COL6A2: variants seen among roughly 807,000 people sequenced by gnomAD.
The protein encoded by COL6A2 is collagen type VI alpha 2 chain.
Under a neutral mutation model 124.9 loss-of-function variants are expected in COL6A2, and 90 were observed. The ratio of observed to expected loss-of-function variants is 0.72; its 90% CI spans 0.61 to 0.86. The LOEUF is 0.86. COL6A2 is among the 40% of genes least tolerant of loss of function. The probability of loss-of-function intolerance (pLI) is 0.00; values close to 1 mark genes in which losing one functional copy is unlikely to be tolerated. For missense variants in COL6A2, 1,607 were observed against 1,502.5 expected, an observed-to-expected ratio of 1.07 and a Z score of -1.15; for synonymous variants, 793 against 618.2, an observed-to-expected ratio of 1.28 and a Z score of -4.19.
In COL6A2 at chr21:46,116,568, C is replaced by G; in HGVS notation, c.928-83C>G. ...GGGTCCTGTGGCCTTGAGTTTGGCC[C>G]AAGGGCTTTGCCCCCCAGAGGCAGC... On this transcript the variant is annotated intron_variant, in intron 8 of 27. Transcript: ENST00000300527. This position sits in a 1 kb window ranked among gnomAD's most constrained non-coding sequence, Gnocchi z 4.6. 1 of 1,602,796 alleles carries G rather than the reference C, an allele frequency of 6.2e-7. No individual in the cohort carries two copies. Among genetic ancestry groups the G allele is most frequent in the South Asian group, 1.1e-5 (1 of 90,770 alleles).
chr21:46,125,647 G>A (rs1359163856), intron 25 of COL6A2, 30 bp downstream of exon 25: 1 of 1,605,066 alleles, frequency 6.2e-7, no homozygotes, highest in Non-Finnish European at 8.5e-7. Context: ...GTGCAGCATT[G>A]CGGGGGGCCG....
Position 46,121,995 on chromosome 21 carries a change from C to G in COL6A2, c.1522-113C>G, listed in dbSNP as rs950387380. The G allele has an allele frequency of 5.3e-6, 6 of 1,130,876 alleles. No homozygotes were observed. In the Admixed American group the frequency reaches 5.8e-5, roughly 11 times the overall value. 70.1% of individuals were successfully genotyped at this position (1,130,876 alleles called of 1,614,324 possible). The stretch of plus-strand genomic sequence containing the variant: ...GCCTCTGCTCACAGCCAGAACTCGA[C>G]GGCACCCCTAGCCCACTTCCACCCC... On this transcript the variant is annotated intron_variant, in intron 18 of 27. Coordinates refer to ENST00000300527, the MANE Select transcript of COL6A2 (RefSeq NM_001849.4).
rs769563817 is a variant in COL6A2 at position 46,122,154 on chromosome 21, C to G, written c.1568C>G (p.Ala523Gly). ...PGFSYPGPRG[A>G]PGEKGEPGPR... Reference sequence around the variant, plus strand: ...TTCAGCTACCCAGGACCCCGAGGAGCACCCGTGAGTCACAGCCTGGGATGG... The same window carrying G: ...TTCAGCTACCCAGGACCCCGAGGAGGACCCGTGAGTCACAGCCTGGGATGG... The change falls in exon 19 of 28, where the codon GCA becomes GGA. Residue 523 changes from alanine to glycine, a missense_variant. This residue lies in a region of COL6A2 where 1,223 missense variants were observed against 1,052.2 expected (regional missense o/e 1.16). Coordinates refer to ENST00000300527, the MANE Select transcript of COL6A2 (RefSeq NM_001849.4). The G allele has an allele frequency of 6.2e-7, 1 of 1,612,628 alleles. No homozygotes were observed. Among genetic ancestry groups the G allele is most frequent in the Admixed American group, 1.7e-5 (1 of 59,990 alleles).
chr21:46,122,430 G>A (rs1316797688), intron 19 of COL6A2, 66 bp from the exon 20 acceptor site: 2 of 1,599,660 alleles, frequency 1.3e-6, no homozygotes, highest in East Asian at 2.2e-5. Context: ...GCAGAAAGCT[G>A]CCCAGAGGGA....
chr21:46,116,669 G>A lies in COL6A2; in HGVS notation c.946G>A (p.Gly316Ser), dbSNP rs762882543. 1.1e-5 allele frequency: 17 copies of A among 1,612,928 alleles called. No individual in the cohort carries two copies. The highest frequency in any genetic ancestry group is 1.4e-5 in the Non-Finnish European group (17 of 1,180,034). Residue 316 changes from glycine (G) to serine (S), a missense_variant, in exon 9 of 28, where the codon GGT (glycine) becomes AGT (serine). Around this residue, in one of 3 missense-constraint regions of COL6A2, gnomAD observed 1,223 missense variants for 1,052.2 expected, o/e 1.16. Transcript: ENST00000300527. This position sits in a 1 kb window ranked among gnomAD's most constrained non-coding sequence, Gnocchi z 4.6. ...KGEKGEFGAD[G>S]RKGAPGLAGK... ...TACACAGGGTGAATTTGGAGCCGAC[G>A]GTCGCAAGGTAGGCTGGCTGGGTAG...
chr21:46,126,315 C>A, intron 26 of COL6A2, 78 bp downstream of exon 26: 4 of 1,551,160 alleles, frequency 2.6e-6, no homozygotes, highest in Non-Finnish European at 3.5e-6. Context: ...CCAGGGACAC[C>A]CCTCACCTGA....
Position 46,126,226 on chromosome 21 carries a change from T to G in COL6A2, c.2411T>G (p.Val804Gly), listed in dbSNP as rs779847082. 2 of 1,599,456 alleles carry G rather than the reference T, an allele frequency of 1.3e-6. No homozygotes were observed. The highest frequency in any genetic ancestry group is 1.7e-5 in the Admixed American group (1 of 59,986). The part of the protein sequence containing the change: ...AEKFIDDMED[V>G]LCPDPQIVCP... The stretch of plus-strand genomic sequence containing the variant: ...AAGTTCATCGATGACATGGAGGACG[T>G]CCTCTGCCCGGGTGAGCGTGTGGGC... Residue 804 changes from valine (V) to glycine (G), a missense_variant, in exon 26 of 28, where the codon GTC becomes GGC. Physicochemically the swap from Val to Gly is moderately radical, Grantham distance 109 (BLOSUM62 -3). This residue lies in a region of COL6A2 where 1,223 missense variants were observed against 1,052.2 expected (regional missense o/e 1.16). Coordinates refer to ENST00000300527, the MANE Select transcript of COL6A2 (RefSeq NM_001849.4).
chr21:46,120,781 C>G (rs915126926), intron 16 of COL6A2, among the ~76,000 whole-genome samples: 1 of 151,592 alleles, frequency 6.6e-6, no homozygotes, highest in African/African-American at 2.4e-5. Context: ...AGGTAAGGGA[C>G]CAAGGCAAGG....
In COL6A2 at chr21:46,132,285, C is replaced by A; in HGVS notation, c.2793C>A (p.Ser931Arg). Reference sequence around the variant, plus strand: ...ACGCCATCAATGCCATCGTGCGCAGCCCGCGTGGCGGGGCCCGGAGGCACG... The same window carrying A: ...ACGCCATCAATGCCATCGTGCGCAGACCGCGTGGCGGGGCCCGGAGGCACG... Reference protein sequence around the residue: ...VVHAINAIVRSPRGGARRHAE... With the variant: ...VVHAINAIVRRPRGGARRHAE... The change falls in exon 28 of 28, where the codon AGC (serine) becomes AGA (arginine). Residue 931 changes from serine (S) to arginine (R), a missense_variant. By Grantham distance (110) the Ser-to-Arg change is moderately radical (BLOSUM62 -1). Coordinates refer to ENST00000300527, the MANE Select transcript of COL6A2 (RefSeq NM_001849.4). The A allele has an allele frequency of 6.2e-7, 1 of 1,606,748 alleles. No homozygotes were observed. The highest frequency in any genetic ancestry group is 8.5e-7 in the Non-Finnish European group (1 of 1,179,204).
At chr21:46,122,435 G>C (rs2078581074) in intron 19 of COL6A2, 61 bp from the exon 20 acceptor site, 2 of 1,608,552 alleles carry the variant, frequency 1.2e-6, no homozygotes, top group African/African-American at 1.3e-5. Context: ...AAGCTGCCCA[G>C]AGGGAGGAAG....
At chr21:46,114,110 C>G (rs1476549280) in intron 5 of COL6A2, 37 bp downstream of exon 5, 1 of 1,550,836 alleles carries the variant, frequency 6.4e-7, no homozygotes, top group South Asian at 1.1e-5. Context: ...TCTGCGCTAC[C>G]AGGAAGCCCC....
intron 18 of COL6A2, 107 bp from the exon 19 acceptor site, chr21:46,122,001 C>A (rs528338511): frequency 3.3e-6 from 4 of 1,214,806 alleles, no homozygotes. Flanking sequence ...TCGACGGCAC[C>A]CCTAGCCCAC....
chr21:46,111,885 A>C lies in COL6A2; in HGVS notation c.116-94A>C, dbSNP rs1044497015. 39 of 1,337,972 alleles carry C rather than the reference A, an allele frequency of 2.9e-5. No homozygotes were observed. The African/African-American group carries it at 5.4e-4, about 19-fold the overall frequency. 82.9% of individuals were successfully genotyped at this position (1,337,972 alleles called of 1,614,324 possible). ...GGGGCTCTGGCATTCGGGGGCAGTG[A>C]GGTCAAACCCACAAACAGGCACGGG... is the stretch of plus-strand genomic sequence containing the variant. On this transcript the variant is annotated intron_variant, in intron 2 of 27. Coordinates refer to ENST00000300527, the MANE Select transcript of COL6A2 (RefSeq NM_001849.4).
At position 46,124,880 on chromosome 21, in the gene COL6A2, C is replaced by A; in HGVS notation, c.1735-5C>A. ...AGAGTCTCAGCCTCATCCTTCCTTC[C>A]CCAGGGTGAGCCCGGCCCCCCTGGA... On this transcript the variant is annotated splice_region_variant and splice_polypyrimidine_tract_variant and intron_variant, in intron 22 of 27. Coordinates refer to ENST00000300527, the MANE Select transcript of COL6A2 (RefSeq NM_001849.4). The A allele has an allele frequency of 6.2e-7, 1 of 1,612,936 alleles. No individual in the cohort carries two copies. Among genetic ancestry groups the A allele is most frequent in the Non-Finnish European group, 8.5e-7 (1 of 1,180,000 alleles).
In COL6A2 at chr21:46,132,168, C is replaced by T. The variant is rs1335390463; in HGVS notation, c.2676C>T (p.Phe892=). The change falls in exon 28 of 28, where the codon TTC becomes TTT. Residue 892 remains phenylalanine, a synonymous_variant. Coordinates refer to ENST00000300527, the MANE Select transcript of COL6A2 (RefSeq NM_001849.4). ...FGGPGEQQVA[F]PLSHNLTAIH... ...GCCCCGGCGAGCAGCAGGTGGCCTT[C>T]CCGCTGAGCCACAACCTCACGGCCA... The T allele has an allele frequency of 3.8e-6, 6 of 1,569,968 alleles. No individual in the cohort carries two copies. The highest frequency in any genetic ancestry group is 5.2e-6 in the Non-Finnish European group (6 of 1,159,092).
chr21:46,131,986 G>A lies in COL6A2; in HGVS notation c.2494G>A (p.Val832Met), dbSNP rs376841327. The change falls in exon 28 of 28, where the codon GTG (valine) becomes ATG (methionine). Residue 832 changes from valine to methionine, a missense_variant. By Grantham distance (21) the Val-to-Met change is conservative (BLOSUM62 1). Coordinates refer to ENST00000300527, the MANE Select transcript of COL6A2 (RefSeq NM_001849.4). Reference sequence around the variant, plus strand: ...CGTGGCACAGTGCACGCAGCGGCCCGTGGACATCGTCTTCCTGCTGGACGG... The same window carrying A: ...CGTGGCACAGTGCACGCAGCGGCCCATGGACATCGTCTTCCTGCTGGACGG... Reference protein sequence around the residue: ...LSVAQCTQRPVDIVFLLDGSE... With the variant: ...LSVAQCTQRPMDIVFLLDGSE... 2.5e-5 allele frequency: 40 copies of A among 1,609,578 alleles called. No homozygotes were observed. The highest frequency in any genetic ancestry group is 4.5e-5 in the East Asian group (2 of 44,790).
At chr21:46,121,966 C>A in intron 18 of COL6A2, 142 bp from the exon 19 acceptor site, 1 of 885,154 alleles carries the variant, frequency 1.1e-6, no homozygotes, top group Non-Finnish European at 1.8e-6. Flanking sequence ...GTTGGCCCTG[C>A]CAGGCCTCTG....
chr21:46,123,059 C>G, intron 21 of COL6A2, 122 bp downstream of exon 21: 1 of 945,068 alleles, frequency 1.1e-6, no homozygotes, highest in Non-Finnish European at 1.7e-6. Context: ...GCCATGAGCA[C>G]CACCCCCACC....
intron 27 of COL6A2, chr21:46,128,800 G>A (rs931590558): frequency 2.6e-5 from 25 of 959,288 alleles, no homozygotes; most frequent in Middle Eastern, 2.1e-4. Flanking sequence ...GTTTACCACC[G>A]CAAGCTTTCT....
Sources: allele counts gnomAD v4.1 joint callset (sites outside exome capture counted in the v4.1 genomes callset), GRCh38; gene constraint gnomAD v4.1.1; regional missense constraint gnomAD v4.1.1; non-coding constraint Gnocchi (gnomAD v3.1); transcripts MANE v1.5; gene names NCBI Gene and HGNC (gene_info 2026-07-23, HGNC 2026-07-21).